MCPH1: variants seen among roughly 807,000 people sequenced by gnomAD.
MCPH1 encodes the protein microcephalin.
Under a neutral mutation model 84.5 loss-of-function variants are expected in MCPH1, and 104 were observed. The observed-to-expected ratio is 1.23, with a 90% CI of 1.05 to 1.45. The LOEUF is 1.45. Among genes scored for constraint, MCPH1 ranks in the 40% most tolerant of loss-of-function variants. MCPH1 has a pLI of 0.00. For missense variants in MCPH1, 1,498 were observed against 1,005.7 expected (o/e 1.49, Z -6.62); for synonymous variants, 514 against 366.8 (o/e 1.40, Z -4.58).
At chr8:6,415,466 G>T (rs1241579590) in intron 3 of MCPH1, among the ~76,000 whole-genome samples, 1 of 151,874 alleles carries the variant, frequency 6.6e-6, no homozygotes, top group Admixed American at 6.6e-5. Context: ...TGATTCTCCT[G>T]CTTCTGCCTC....
intron 4 of MCPH1, among the ~76,000 whole-genome samples, chr8:6,433,935 T>A (rs1336555300): frequency 6.6e-6 from 1 of 152,120 alleles, no homozygotes; most frequent in Non-Finnish European, 1.5e-5. Context: ...CAATCGTATT[T>A]CTATTTCAGA....
intron 9 of MCPH1, among the ~76,000 whole-genome samples, chr8:6,465,575 G>T (rs1806781803): frequency 6.6e-6 from 1 of 152,182 alleles, no homozygotes; most frequent in Admixed American, 6.5e-5. Flanking sequence ...GGGAAGAAAT[G>T]CTCCCCGGGT....
intron 11 of MCPH1, chr8:6,499,635 CTTG>C (rs1369161345): frequency 2.2e-5 from 11 of 501,406 alleles, no homozygotes; most frequent in African/African-American, 1.2e-4. Context: ...ACTCAGATTT[CTTG>C]TTATCGTGAG....
chr8:6,566,989 G>C (rs3020240), intron 12 of MCPH1, among the ~76,000 whole-genome samples: 5,244 of 80,026 alleles, frequency 0.066, 619 homozygotes, highest in African/African-American at 0.16. Context: ...GTGCGGTGAC[G>C]GTGTGTGATC....
chr8:6,526,782 A>G lies in MCPH1; in HGVS notation c.2214+26853A>G, dbSNP rs2959815. Among the ~76,000 whole-genome samples, 1,363 of 152,356 alleles carry G rather than the reference A, an allele frequency of 8.9e-3. 23 individuals carry two copies. The highest frequency in any genetic ancestry group is 0.03 in the African/African-American group (1,268 of 41,580). ...ATGTTGTATATACATGTCTTCATTA[A>G]AAACAAGGAAATAGGCACACCAGGT... On this transcript the variant is annotated intron_variant, in intron 12 of 13. Coordinates refer to ENST00000344683, the MANE Select transcript of MCPH1 (RefSeq NM_024596.5).
intron 12 of MCPH1, among the ~76,000 whole-genome samples, chr8:6,554,976 C>T (rs1349352964): frequency 6.6e-6 from 1 of 152,126 alleles, no homozygotes; most frequent in Non-Finnish European, 1.5e-5. Context: ...TAAAGATAGT[C>T]GGATGGCACA....
chr8:6,475,927 C>G (rs921699844), intron 9 of MCPH1, among the ~76,000 whole-genome samples: 1 of 152,104 alleles, frequency 6.6e-6, no homozygotes, highest in Non-Finnish European at 1.5e-5. Flanking sequence ...GTGTATAAGG[C>G]AGATCCCTGG....
At chr8:6,501,670 C>G (rs1484633771) in intron 12 of MCPH1, 1 of 151,602 alleles carries the variant, frequency 6.6e-6, no homozygotes, top group African/African-American at 2.4e-5. Context: ...TTCTCCCTGC[C>G]TCAGCCTCCC....
chr8:6,629,210 C>G (rs890547466), intron 13 of MCPH1, among the ~76,000 whole-genome samples: 1 of 152,218 alleles, frequency 6.6e-6, no homozygotes, highest in Non-Finnish European at 1.5e-5. Context: ...CGCCTATAAT[C>G]CCAGCACTTT....
intron 12 of MCPH1, among the ~76,000 whole-genome samples, chr8:6,589,969 A>G (rs1483161340): frequency 6.6e-6 from 1 of 152,224 alleles, no homozygotes; most frequent in African/African-American, 2.4e-5. Flanking sequence ...TCTAAAAGAC[A>G]TGCATTAAAA....
chr8:6,596,165 C>T (rs1828910741), intron 12 of MCPH1, among the ~76,000 whole-genome samples: 1 of 152,174 alleles, frequency 6.6e-6, no homozygotes, highest in Non-Finnish European at 1.5e-5. Flanking sequence ...CTTCCATGGA[C>T]ATGAAAGATA....
At chr8:6,409,914 CAG>C (rs777450058) in intron 2 of MCPH1, among the ~76,000 whole-genome samples, 4 of 151,532 alleles carry the variant, frequency 2.6e-5, no homozygotes, top group Non-Finnish European at 5.9e-5. Context: ...GACCCAGTGA[CAG>C]AGGGAGAGAA....
At chr8:6,542,932 A>C (rs948293757) in intron 12 of MCPH1, among the ~76,000 whole-genome samples, 1 of 152,198 alleles carries the variant, frequency 6.6e-6, no homozygotes, top group African/African-American at 2.4e-5. Flanking sequence ...TTTTCCAGGC[A>C]AACTAGTTTT....
intron 11 of MCPH1, among the ~76,000 whole-genome samples, chr8:6,487,381 C>A (rs1395826501): frequency 6.6e-6 from 1 of 152,192 alleles, no homozygotes; most frequent in Non-Finnish European, 1.5e-5. Context: ...ACACTCAGTT[C>A]ATTCCGTTCA....
chr8:6,474,147 A>T (rs1490335179), intron 9 of MCPH1: 2 of 755,642 alleles, frequency 2.6e-6, no homozygotes, highest in African/African-American at 1.7e-5. Context: ...ATAACTCCAC[A>T]TTCTCTCATT....
At chr8:6,469,138 C>G (rs1329425854) in intron 9 of MCPH1, among the ~76,000 whole-genome samples, 3 of 152,044 alleles carry the variant, frequency 2.0e-5, no homozygotes, top group Non-Finnish European at 4.4e-5. Flanking sequence ...CGTGATTGTA[C>G]CACTGCACTC....
rs1458714386 is a variant in MCPH1 at position 6,414,770 on chromosome 8, A to G, written c.120A>G (p.Ser40=). The G allele has an allele frequency of 1.4e-5, 23 of 1,613,310 alleles. No homozygotes were observed. The highest frequency in any genetic ancestry group is 3.3e-5 in the South Asian group (3 of 91,008). ...TTTCTGCATTTTGTCTACAGGTTTC[A>G]AAAACTTTTAACAAACAAGTAACTC... ...TQLVDMGAKV[S]KTFNKQVTHV... Residue 40 remains serine (S), a synonymous_variant, in exon 3 of 14, where the codon TCA becomes TCG. Transcript: ENST00000344683.
intron 12 of MCPH1, among the ~76,000 whole-genome samples, chr8:6,548,159 T>C (rs939438668): frequency 3.9e-5 from 6 of 152,204 alleles, no homozygotes; most frequent in African/African-American, 1.2e-4. Flanking sequence ...CACTGGAATC[T>C]TGGCCTTCTC....
chr8:6,445,259 G>T lies in MCPH1; in HGVS notation c.1537G>T (p.Ala513Ser). 2.5e-6 allele frequency: 4 copies of T among 1,614,186 alleles called. No homozygotes were observed. The highest frequency in any genetic ancestry group is 3.4e-6 in the Non-Finnish European group (4 of 1,180,026). Residue 513 changes from alanine to serine, a missense_variant, in exon 8 of 14, where the codon GCT (alanine) becomes TCT (serine). Physicochemically the swap from Ala to Ser is moderately conservative, Grantham distance 99 (BLOSUM62 1). Coordinates refer to ENST00000344683, the MANE Select transcript of MCPH1 (RefSeq NM_024596.5). ...AGAAGCCCTAAGGTGTTGTAGACAG[G>T]CTGGGAAAGAAGACGCATGCCCAGA... is the stretch of plus-strand genomic sequence containing the variant. The part of the protein sequence containing the change: ...PEEALRCCRQ[A>S]GKEDACPEGN...
Sources: allele counts gnomAD v4.1 joint callset (sites outside exome capture counted in the v4.1 genomes callset), GRCh38; gene constraint gnomAD v4.1.1; transcripts MANE v1.5; gene names NCBI Gene and HGNC (gene_info 2026-07-23, HGNC 2026-07-21).